ANK3: variants seen among roughly 807,000 people sequenced by gnomAD.
ANK3 encodes ankyrin-3.
Under a neutral mutation model 370.9 loss-of-function variants are expected in ANK3, and 57 were observed. The observed-to-expected ratio is 0.15, with a 90% confidence interval of 0.12 to 0.19. ANK3 has a LOEUF of 0.19. ANK3 is among the 10% of genes least tolerant of loss of function. The pLI is 1.00. For missense variants in ANK3, 4,439 were observed against 5,302.1 expected (o/e 0.84, Z 5.06); for synonymous variants, 1,929 against 1,946.3 (o/e 0.99, Z 0.23).
intron 2 of ANK3, among the ~76,000 whole-genome samples, chr10:60,496,035 T>C (rs1388635516): frequency 1.3e-5 from 2 of 152,112 alleles, no homozygotes; most frequent in African/African-American, 4.8e-5. Flanking sequence ...TGTCTGCTTC[T>C]AATTTATATA....
chr10:60,411,387 G>A (rs1485775394), intron 2 of ANK3, among the ~76,000 whole-genome samples: 1 of 152,184 alleles, frequency 6.6e-6, no homozygotes, highest in Non-Finnish European at 1.5e-5. Flanking sequence ...AAGTTGTTGT[G>A]CTATTAAGGA....
At chr10:60,415,923 A>ACCCCCCCCCC (rs60397919) in intron 2 of ANK3, among the ~76,000 whole-genome samples, 3 of 62,660 alleles carry the variant, frequency 4.8e-5, no homozygotes, top group Non-Finnish European at 6.2e-5. Context: ...TGTGCCCCCC[A>ACCCCCCCCCC]CCCCCCCGCC....
chr10:60,684,624 G>A, intron 1 of ANK3: 2 of 1,589,942 alleles, frequency 1.3e-6, no homozygotes, highest in Admixed American at 1.7e-5. Flanking sequence ...TATACAGGCT[G>A]CAGTTCAATG....
At chr10:60,394,156 T>C (rs1464178964), upstream of ANK3, among the ~76,000 whole-genome samples, 1 of 148,428 alleles carries the variant, frequency 6.7e-6, no homozygotes, top group Non-Finnish European at 1.5e-5. Flanking sequence ...TCATTAATTA[T>C]TGGCATCCTA....
chr10:60,052,454 T>C (rs1010555109), intron 42 of ANK3, among the ~76,000 whole-genome samples: 9 of 152,312 alleles, frequency 5.9e-5, no homozygotes, highest in African/African-American at 2.2e-4. Flanking sequence ...AAGAATTTAA[T>C]GAAGGAATAA....
intron 2 of ANK3, among the ~76,000 whole-genome samples, chr10:60,510,160 T>C (rs553734854): frequency 6.6e-6 from 1 of 152,262 alleles, no homozygotes; most frequent in African/African-American, 2.4e-5. Flanking sequence ...TTACAAAATA[T>C]TTGCAATCAT....
In ANK3 at chr10:60,270,120, C is replaced by T. The variant is rs751787110; in HGVS notation, c.513+11G>A. ...CGTGAACTCACCCACAGGAAAAAAA[C>T]AGTATCTTACCTCTGTGGCTAGGCT... On this transcript the variant is annotated intron_variant, in intron 5 of 43. Transcript: ENST00000280772. 3 of 1,521,126 alleles carry T rather than the reference C, an allele frequency of 2.0e-6. No homozygotes were observed. Among genetic ancestry groups the T allele is most frequent in the Non-Finnish European group, 1.8e-6 (2 of 1,130,884 alleles). 94.2% of individuals were successfully genotyped at this position (1,521,126 alleles called of 1,614,324 possible). A position where few individuals can be genotyped will look rare whatever the true frequency, so the allele number is the denominator to read the frequency against.
chr10:60,068,597 G>A (rs1309438779), intron 37 of ANK3, 40 bp downstream of exon 37: 1 of 1,547,284 alleles, frequency 6.5e-7, no homozygotes, highest in Admixed American at 2.0e-5. Context: ...TCCAGGATGT[G>A]AGCAGAGTGC....
chr10:60,076,216 C>T lies in ANK3; in HGVS notation c.4665G>A (p.Ala1555=), dbSNP rs554877557. The change falls in exon 37 of 44, where the codon GCG becomes GCA. Residue 1555 remains alanine, a synonymous_variant. Coordinates refer to ENST00000280772, the MANE Select transcript of ANK3 (RefSeq NM_020987.5). The part of the protein sequence containing the change: ...TPSPIKSTLG[A]STTSSVKSIS... ...TGGATTTAACTGAAGATGTAGTTGACGCGCCTAATGTGGATTTGATTGGAG... is the reference window on the plus strand; with the variant it reads ...TGGATTTAACTGAAGATGTAGTTGATGCGCCTAATGTGGATTTGATTGGAG... 22 of 1,614,088 alleles carry T rather than the reference C, an allele frequency of 1.4e-5. No homozygotes were observed. Among genetic ancestry groups the T allele is most frequent in the African/African-American group, 5.3e-5 (4 of 75,022 alleles).
chr10:60,145,234 A>G (rs2094756910), intron 23 of ANK3, among the ~76,000 whole-genome samples: 1 of 152,234 alleles, frequency 6.6e-6, no homozygotes, highest in Admixed American at 6.5e-5. Context: ...TGCAAATTAC[A>G]TGGGATTAAG....
At chr10:60,130,250 C>T (rs2093989881) in intron 25 of ANK3, among the ~76,000 whole-genome samples, 1 of 152,202 alleles carries the variant, frequency 6.6e-6, no homozygotes, top group South Asian at 2.1e-4. Context: ...GTGCCTTCAG[C>T]CAGCACAGGT....
intron 1 of ANK3, among the ~76,000 whole-genome samples, chr10:60,343,840 G>T (rs2054810707): frequency 6.6e-6 from 1 of 152,166 alleles, no homozygotes; most frequent in Non-Finnish European, 1.5e-5. Flanking sequence ...GGACCCACCC[G>T]AGCATTCCTG....
Position 60,064,260 on chromosome 10 carries a change from C to G in ANK3, c.12348G>C (p.Val4116=). Residue 4116 remains valine, a synonymous_variant, in exon 39 of 44, where the codon GTG becomes GTC. Transcript: ENST00000280772. ...TELARELNFS[V]DEINQIRVEN... is the part of the protein sequence containing the mutation. Reference sequence around the variant, plus strand: ...CCACACGTATTTGATTGATTTCATCCACTGAAAAATTCAGTTCCCTTGCCA... The same window carrying G: ...CCACACGTATTTGATTGATTTCATCGACTGAAAAATTCAGTTCCCTTGCCA... 6.3e-7 allele frequency: 1 copy of G among 1,577,436 alleles called. No homozygotes were observed. The highest frequency in any genetic ancestry group is 8.6e-7 in the Non-Finnish European group (1 of 1,169,006).
chr10:60,394,014 G>A (rs2063165207), upstream of ANK3, among the ~76,000 whole-genome samples: 1 of 151,674 alleles, frequency 6.6e-6, no homozygotes, highest in African/African-American at 2.4e-5. Flanking sequence ...AATGAGGCAA[G>A]TGTGTGTTTT....
intron 2 of ANK3, among the ~76,000 whole-genome samples, chr10:60,407,075 A>C (rs1222111121): frequency 6.6e-6 from 1 of 152,242 alleles, no homozygotes; most frequent in East Asian, 1.9e-4. Context: ...TTCATTGAGA[A>C]GCCTGCAGAT....
intron 42 of ANK3, among the ~76,000 whole-genome samples, chr10:60,054,780 C>A (rs564457416): frequency 1.3e-5 from 2 of 152,022 alleles, no homozygotes; most frequent in Non-Finnish European, 2.9e-5. Flanking sequence ...TATGTCTCAG[C>A]GAAAACTGCA....
At chr10:60,253,929 A>G (rs1407130178) in intron 7 of ANK3, among the ~76,000 whole-genome samples, 1 of 152,142 alleles carries the variant, frequency 6.6e-6, no homozygotes, top group Non-Finnish European at 1.5e-5. Flanking sequence ...AGTGGTTTTT[A>G]TTTTCTCACT....
chr10:60,060,738 G>A (rs928268032), intron 40 of ANK3: 2 of 152,324 alleles, frequency 1.3e-5, no homozygotes, highest in Admixed American at 6.5e-5. Context: ...TGGAGTACAT[G>A]AAGGTCTTGG....
intron 1 of ANK3, among the ~76,000 whole-genome samples, chr10:60,312,823 A>G (rs1291307895): frequency 6.6e-6 from 1 of 152,184 alleles, no homozygotes; most frequent in Non-Finnish European, 1.5e-5. Context: ...CTTCCTTTCC[A>G]TGCAGCAACA....
Sources: gnomAD v4.1 joint callset for allele counts (sites outside exome capture counted in the v4.1 genomes callset) on GRCh38, gnomAD v4.1.1 for gene constraint, MANE v1.5 for transcripts, NCBI Gene and HGNC (gene_info 2026-07-23, HGNC 2026-07-21) for gene names.